Variants in CDK14 observed in about 807,000 individuals in gnomAD.
CDK14 encodes the protein cyclin-dependent kinase 14.
Under a neutral mutation model 60.7 loss-of-function variants are expected in CDK14, and 34 were observed. That is an observed-to-expected ratio of 0.56 (90% CI 0.43 to 0.75). The LOEUF is 0.75. CDK14 is among the 30% of genes least tolerant of loss of function. The probability of loss-of-function intolerance (pLI) is 0.00; values close to 1 mark genes in which losing one functional copy is unlikely to be tolerated. For missense variants in CDK14, 482 were observed against 564.1 expected, an observed-to-expected ratio of 0.85 and a Z score of 1.47; for synonymous variants, 197 against 203.7, an observed-to-expected ratio of 0.97 and a Z score of 0.28.
At chr7:90,931,839 C>T (rs1354804455) in intron 8 of CDK14, among the ~76,000 whole-genome samples, 1 of 151,892 alleles carries the variant, frequency 6.6e-6, no homozygotes, top group Non-Finnish European at 1.5e-5. Context: ...TCTTAGAGGT[C>T]CCCCCACAAC....
At chr7:90,867,824 C>T (rs1167930671) in intron 6 of CDK14, among the ~76,000 whole-genome samples, 9 of 151,842 alleles carry the variant, frequency 5.9e-5, no homozygotes, top group African/African-American at 2.2e-4. Flanking sequence ...GCATTCTTAC[C>T]ATCAGAAATA....
chr7:90,748,972 T>C (rs908687993), intron 4 of CDK14, among the ~76,000 whole-genome samples: 2 of 152,136 alleles, frequency 1.3e-5, no homozygotes, highest in African/African-American at 4.8e-5. Flanking sequence ...AAAGACATAG[T>C]TGGAAATTTT....
intron 10 of CDK14, among the ~76,000 whole-genome samples, chr7:90,994,077 C>G (rs1264031484): frequency 6.6e-6 from 1 of 152,144 alleles, no homozygotes; most frequent in Non-Finnish European, 1.5e-5. Flanking sequence ...ATGTAACCAC[C>G]TCAAAACCCC....
intron 6 of CDK14, among the ~76,000 whole-genome samples, chr7:90,866,245 C>T (rs1264107520): frequency 6.6e-6 from 1 of 150,688 alleles, no homozygotes; most frequent in Admixed American, 6.6e-5. Flanking sequence ...CACACACACA[C>T]ACACACACAC....
chr7:90,807,873 A>G (rs999732000), intron 5 of CDK14, among the ~76,000 whole-genome samples: 2 of 152,206 alleles, frequency 1.3e-5, no homozygotes, highest in African/African-American at 4.8e-5. Flanking sequence ...CAGTGATGGA[A>G]GATCAAATGA....
At chr7:90,877,761 G>T (rs887533266) in intron 6 of CDK14, among the ~76,000 whole-genome samples, 6 of 152,078 alleles carry the variant, frequency 3.9e-5, no homozygotes, top group African/African-American at 1.5e-4. Context: ...GCAATATGGG[G>T]AGAATATGAT....
intron 8 of CDK14, among the ~76,000 whole-genome samples, chr7:90,952,548 A>G (rs1794294382): frequency 6.6e-6 from 1 of 152,148 alleles, no homozygotes; most frequent in Admixed American, 6.6e-5. Flanking sequence ...GGATACACTG[A>G]ATTTTATGCA....
chr7:90,618,105 C>G (rs535547641), intron 2 of CDK14, among the ~76,000 whole-genome samples: 1 of 152,262 alleles, frequency 6.6e-6, no homozygotes, highest in African/African-American at 2.4e-5. Context: ...GGATTATTAG[C>G]TTGTGCGTGT....
chr7:90,828,611 G>A (rs925224772), intron 5 of CDK14, among the ~76,000 whole-genome samples: 1 of 151,864 alleles, frequency 6.6e-6, no homozygotes, highest in African/African-American at 2.4e-5. Flanking sequence ...CTCTGTCTCT[G>A]TAGCTATACT....
intron 11 of CDK14, among the ~76,000 whole-genome samples, chr7:91,067,101 C>A (rs1033141097): frequency 6.6e-6 from 1 of 152,130 alleles, no homozygotes; most frequent in African/African-American, 2.4e-5. Flanking sequence ...TACTCAAATA[C>A]TCTTGATAAA....
At chr7:90,750,153 AACACACACACACACACAC>A (rs3138824) in intron 4 of CDK14, among the ~76,000 whole-genome samples, 7 of 131,414 alleles carry the variant, frequency 5.3e-5, no homozygotes, top group African/African-American at 9.1e-5. Flanking sequence ...GGGGAAAGAA[AACACACACACACACACAC>A]ACACACACAC....
At chr7:91,146,252 G>A (rs1800634636) in intron 14 of CDK14, among the ~76,000 whole-genome samples, 1 of 152,202 alleles carries the variant, frequency 6.6e-6, no homozygotes, top group Admixed American at 6.5e-5. Context: ...CCAGGCTGGA[G>A]TGCAATAGCG....
intron 2 of CDK14, among the ~76,000 whole-genome samples, chr7:90,679,111 G>C (rs1337167147): frequency 6.6e-6 from 1 of 151,962 alleles, no homozygotes; most frequent in African/African-American, 2.4e-5. Flanking sequence ...CACCATGCCC[G>C]GCTAATTTTT....
chr7:90,973,298 A>G (rs150768157), intron 9 of CDK14, among the ~76,000 whole-genome samples: 148 of 152,238 alleles, frequency 9.7e-4, no homozygotes, highest in African/African-American at 3.4e-3. Flanking sequence ...ATAATAGTCT[A>G]AGTTTGATGA....
chr7:91,058,698 G>T lies in CDK14; in HGVS notation c.1105+12738G>T, dbSNP rs1007799091. ...TGTCATTGGTTCTGTTTATATGCTG[G>T]ATTACATTTATTGATTTGCATATGT... is the stretch of plus-strand genomic sequence containing the variant. On this transcript the variant is annotated intron_variant, in intron 11 of 14. Transcript: ENST00000380050. Among the ~76,000 whole-genome samples, 124 of 152,266 alleles carry T rather than the reference G, an allele frequency of 8.1e-4. 2 individuals carry two copies. The highest frequency in any genetic ancestry group is 8.4e-4 in the Non-Finnish European group (57 of 68,016).
At chr7:90,961,799 G>A (rs575318596) in intron 9 of CDK14, among the ~76,000 whole-genome samples, 18 of 152,272 alleles carry the variant, frequency 1.2e-4, no homozygotes, top group African/African-American at 3.6e-4. Context: ...CTCTCACTAC[G>A]GAAGTCCCTT....
chr7:91,168,430 T>TC lies in CDK14; in HGVS notation c.*29-38734dup, dbSNP rs1801416406. On this transcript the variant is annotated intron_variant, in intron 14 of 14. Coordinates refer to ENST00000380050, the MANE Select transcript of CDK14 (RefSeq NM_001287135.2). ...ATATATTTATTACAGTCAAGAAACC[T>TC]CTTACAGAGTTATAATTGAGAAATT... 4.6e-5 allele frequency among the ~76,000 whole-genome samples: 7 copies of TC among 152,302 alleles called. No homozygotes were observed. In the South Asian group the frequency reaches 1.5e-3, roughly 32 times the overall value.
At position 91,142,208 on chromosome 7, in the gene CDK14, C is replaced by A. The variant is rs539155670; in HGVS notation, c.*28+24000C>A. 1.2e-4 allele frequency among the ~76,000 whole-genome samples: 18 copies of A among 152,252 alleles called. No individual in the cohort carries two copies. In the South Asian group the frequency reaches 3.7e-3, roughly 32 times the overall value. The stretch of plus-strand genomic sequence containing the variant: ...ATGAAAATAATTTTTTTCTGCATCT[C>A]ATTTTTTTATTGTTGTTGTTAGAAA... On this transcript the variant is annotated intron_variant, in intron 14 of 14. Coordinates refer to ENST00000380050, the MANE Select transcript of CDK14 (RefSeq NM_001287135.2).
At chr7:90,711,368 T>A (rs367758601) in intron 2 of CDK14, among the ~76,000 whole-genome samples, 49 of 152,144 alleles carry the variant, frequency 3.2e-4, no homozygotes, top group African/African-American at 1.0e-3. Context: ...TCTTTTTTTT[T>A]AAACTTTTTT....
Sources: allele counts gnomAD v4.1 joint callset (sites outside exome capture counted in the v4.1 genomes callset), GRCh38; gene constraint gnomAD v4.1.1; transcripts MANE v1.5; gene names NCBI Gene and HGNC (gene_info 2026-07-23, HGNC 2026-07-21).